LHFPL3: variants seen among roughly 807,000 people sequenced by gnomAD.
The protein encoded by LHFPL3 is LHFPL tetraspan subfamily member 3 protein.
A neutral mutation model predicts 19.3 loss-of-function variants in LHFPL3; 5 were observed. That is an observed-to-expected ratio of 0.26 (90% CI 0.14 to 0.54). LHFPL3 has a LOEUF of 0.54. Among genes scored for constraint, LHFPL3 ranks in the 20% least tolerant of loss-of-function variants. The probability of loss-of-function intolerance (pLI) is 0.94; values close to 1 mark genes in which losing one functional copy is unlikely to be tolerated. For missense variants in LHFPL3, 249 were observed against 307.4 expected, an observed-to-expected ratio of 0.81 and a Z score of 1.42; for synonymous variants, 133 against 126.2, an observed-to-expected ratio of 1.05 and a Z score of -0.36.
At chr7:104,903,223 G>A (rs1330910483) in intron 2 of LHFPL3, among the ~76,000 whole-genome samples, 1 of 152,072 alleles carries the variant, frequency 6.6e-6, no homozygotes, top group African/African-American at 2.4e-5. Context: ...CCTTCATCCT[G>A]TGATGTCATA....
At chr7:104,369,429 T>A (rs1584272149) in intron 1 of LHFPL3, among the ~76,000 whole-genome samples, 1 of 152,234 alleles carries the variant, frequency 6.6e-6, no homozygotes, top group African/African-American at 2.4e-5. Context: ...CTGAATAGAA[T>A]TTTTATTGTA....
chr7:104,618,773 G>GA (rs1252430528), intron 1 of LHFPL3, among the ~76,000 whole-genome samples: 1 of 152,130 alleles, frequency 6.6e-6, no homozygotes, highest in Non-Finnish European at 1.5e-5. Context: ...TAGTCCAAAT[G>GA]AAAAAACAAT....
chr7:104,712,441 A>C (rs1324181435), intron 1 of LHFPL3, among the ~76,000 whole-genome samples: 2 of 152,210 alleles, frequency 1.3e-5, no homozygotes. Context: ...GGCACTAATC[A>C]CATTCATGAG....
chr7:104,842,140 C>T (rs1791222914), intron 2 of LHFPL3, among the ~76,000 whole-genome samples: 1 of 150,220 alleles, frequency 6.7e-6, no homozygotes, highest in Non-Finnish European at 1.5e-5. Flanking sequence ...ACATAACCAG[C>T]ATGTCTGTTC....
chr7:104,379,140 G>C (rs779389241), intron 1 of LHFPL3, among the ~76,000 whole-genome samples: 25 of 152,204 alleles, frequency 1.6e-4, no homozygotes, highest in Non-Finnish European at 3.1e-4. Flanking sequence ...ATGGCCCGAA[G>C]ATACAGACTT....
Position 104,579,908 on chromosome 7 carries a change from G to GGA in LHFPL3, c.446-156767_446-156766insGA, listed in dbSNP as rs554527440. On this transcript the variant is annotated intron_variant, in intron 1 of 2. Coordinates refer to ENST00000424859, the MANE Select transcript of LHFPL3 (RefSeq NM_199000.3). The stretch of plus-strand genomic sequence containing the variant: ...GAGCTTGCTCCCATGGCATGTTATA[G>GGA]CTCTTGGAGGTTGAGGCTTAAGTCT... 6.0e-3 allele frequency among the ~76,000 whole-genome samples: 912 copies of GGA among 152,284 alleles called. 8 individuals carry two copies. The highest frequency in any genetic ancestry group is 0.02 in the African/African-American group (826 of 41,564).
intron 2 of LHFPL3, among the ~76,000 whole-genome samples, chr7:104,905,048 T>G (rs898121456): frequency 3.3e-5 from 5 of 152,098 alleles, no homozygotes; most frequent in African/African-American, 1.2e-4. Context: ...CTCGACCTCC[T>G]GGGCTCAAGC....
At chr7:104,714,913 C>A (rs1423763001) in intron 1 of LHFPL3, among the ~76,000 whole-genome samples, 1 of 152,070 alleles carries the variant, frequency 6.6e-6, no homozygotes, top group Non-Finnish European at 1.5e-5. Flanking sequence ...TACATGCTCA[C>A]TCTATATATA....
At chr7:104,628,537 A>G (rs1027359100) in intron 1 of LHFPL3, among the ~76,000 whole-genome samples, 65 of 152,192 alleles carry the variant, frequency 4.3e-4, no homozygotes, top group African/African-American at 1.5e-3. Flanking sequence ...CAGTGATGAC[A>G]TAGATAATAT....
intron 1 of LHFPL3, among the ~76,000 whole-genome samples, chr7:104,591,585 T>C (rs1472566486): frequency 6.6e-6 from 1 of 152,170 alleles, no homozygotes; most frequent in Non-Finnish European, 1.5e-5. Context: ...ATCTGACAAT[T>C]ATGTGTCTTG....
chr7:104,707,125 T>G (rs1793205534), intron 1 of LHFPL3, among the ~76,000 whole-genome samples: 1 of 152,124 alleles, frequency 6.6e-6, no homozygotes, highest in African/African-American at 2.4e-5. Context: ...CCACCTCAAG[T>G]CAAACCCAAT....
intron 1 of LHFPL3, among the ~76,000 whole-genome samples, chr7:104,378,544 T>G (rs1179386188): frequency 6.6e-6 from 1 of 152,202 alleles, no homozygotes; most frequent in Non-Finnish European, 1.5e-5. Flanking sequence ...TTTTTACTTT[T>G]CTTGGGTAAA....
chr7:104,412,898 T>C (rs973379466), intron 1 of LHFPL3, among the ~76,000 whole-genome samples: 4 of 152,170 alleles, frequency 2.6e-5, no homozygotes, highest in African/African-American at 9.7e-5. Flanking sequence ...GTACCATAAA[T>C]GTGTTTGTCA....
intron 1 of LHFPL3, among the ~76,000 whole-genome samples, chr7:104,385,423 G>A (rs972530847): frequency 4.6e-5 from 7 of 152,178 alleles, no homozygotes; most frequent in Non-Finnish European, 1.0e-4. Context: ...ATGAGAAGCT[G>A]TCCTAAAGAT....
intron 1 of LHFPL3, among the ~76,000 whole-genome samples, chr7:104,532,318 C>CTTTTTTTTTTTTT (rs71155504): frequency 1.3e-4 from 11 of 87,222 alleles, no homozygotes; most frequent in African/African-American, 1.8e-4. Context: ...TTCTTTCTGT[C>CTTTTTTTTTTTTT]TTTTTTTTTT....
At chr7:104,510,474 C>T (rs1406125146) in intron 1 of LHFPL3, among the ~76,000 whole-genome samples, 1 of 152,090 alleles carries the variant, frequency 6.6e-6, no homozygotes, top group African/African-American at 2.4e-5. Context: ...GGTACTGGAG[C>T]AACTGGACAT....
At chr7:104,368,923 A>T (rs1194345827) in intron 1 of LHFPL3, among the ~76,000 whole-genome samples, 1 of 152,216 alleles carries the variant, frequency 6.6e-6, no homozygotes. Context: ...CCCTTACTAC[A>T]TACTTACCAG....
At chr7:104,678,191 T>G (rs1472457082) in intron 1 of LHFPL3, among the ~76,000 whole-genome samples, 2 of 152,102 alleles carry the variant, frequency 1.3e-5, no homozygotes, top group Non-Finnish European at 2.9e-5. Context: ...TAGTGTAGGG[T>G]TTTTTTCTCA....
At chr7:104,493,880 A>G (rs2115702366) in intron 1 of LHFPL3, among the ~76,000 whole-genome samples, 1 of 152,280 alleles carries the variant, frequency 6.6e-6, no homozygotes, top group South Asian at 2.1e-4. Flanking sequence ...GCTAGTAAGC[A>G]CTTGAAATAT....
Sources: allele counts gnomAD v4.1 joint callset (sites outside exome capture counted in the v4.1 genomes callset), GRCh38; gene constraint gnomAD v4.1.1; transcripts MANE v1.5; gene names NCBI Gene and HGNC (gene_info 2026-07-23, HGNC 2026-07-21).